Variants in ABCC1 observed in about 807,000 individuals in gnomAD.
ABCC1 encodes the protein ATP binding cassette subfamily C member 1 (ABCC1 blood group).
A neutral mutation model predicts 172.9 loss-of-function variants in ABCC1; 83 were observed. That is an observed-to-expected ratio of 0.48 (90% CI 0.40 to 0.58). ABCC1 has a LOEUF of 0.58. Ranked by LOEUF, ABCC1 falls within the 20% of genes least tolerant of loss-of-function variation. ABCC1 has a pLI of 0.00. For synonymous variants in ABCC1, 937 were observed against 825.2 expected (o/e 1.14, Z -2.32); for missense variants, 1,817 against 2,002.7 (o/e 0.91, Z 1.77).
chr16:16,068,880 G>A (rs1422585714), intron 13 of ABCC1, among the ~76,000 whole-genome samples: 3 of 151,692 alleles, frequency 2.0e-5, no homozygotes, highest in East Asian at 2.0e-4. Context: ...CCAGCTACTC[G>A]GAAGGCTGAG....
chr16:16,038,093 T>A (rs139911752), intron 7 of ABCC1, among the ~76,000 whole-genome samples: 1 of 151,580 alleles, frequency 6.6e-6, no homozygotes, highest in Admixed American at 6.6e-5. Context: ...GATAGATTGA[T>A]AGATGATAGG....
At chr16:16,099,658 G>A (rs750249542) in intron 19 of ABCC1, among the ~76,000 whole-genome samples, 1 of 152,168 alleles carries the variant, frequency 6.6e-6, no homozygotes, top group East Asian at 1.9e-4. Flanking sequence ...CACTGATGAC[G>A]GTTCAAATCC....
chr16:16,104,548 T>G (rs1275876717), intron 20 of ABCC1, among the ~76,000 whole-genome samples: 2 of 152,166 alleles, frequency 1.3e-5, no homozygotes, highest in Non-Finnish European at 2.9e-5. Context: ...TACAATCCCT[T>G]AGCTAGACAT....
intron 12 of ABCC1, among the ~76,000 whole-genome samples, chr16:16,066,130 C>G (rs2050105472): frequency 6.6e-6 from 1 of 152,124 alleles, no homozygotes; most frequent in South Asian, 2.1e-4. Context: ...CTCTGTTTAT[C>G]TACTGTGGAC....
intron 3 of ABCC1, among the ~76,000 whole-genome samples, chr16:16,010,467 C>T (rs2047735374): frequency 6.6e-6 from 1 of 152,146 alleles, no homozygotes; most frequent in African/African-American, 2.4e-5. Flanking sequence ...CCACACTTTG[C>T]TCTTGCATTG....
chr16:15,994,893 A>T (rs902731715), intron 1 of ABCC1, among the ~76,000 whole-genome samples: 5 of 151,196 alleles, frequency 3.3e-5, no homozygotes, highest in African/African-American at 1.2e-4. Flanking sequence ...CCTCCCTAGT[A>T]GCTGGGATTA....
In ABCC1 at chr16:16,045,860, C is replaced by T; in HGVS notation, c.1065C>T (p.Asp355=). ...ILKLLIKFVN[D]TKAPDWQGYF... ...GGTTGCTCATCAAGTTCGTGAATGA[C>T]ACGAAGGCCCCAGACTGGCAGGGCT... Residue 355 remains aspartate, a synonymous_variant, in exon 9 of 31, where the codon GAC becomes GAT. Transcript: ENST00000399410. 6.2e-7 allele frequency: 1 copy of T among 1,614,202 alleles called. No homozygotes were observed. The highest frequency in any genetic ancestry group is 8.5e-7 in the Non-Finnish European group (1 of 1,180,034).
Position 16,106,864 on chromosome 16 carries a change from G to T in ABCC1, c.2862G>T (p.Gln954His), listed in dbSNP as rs1223769879. 1.2e-6 allele frequency: 2 copies of T among 1,613,990 alleles called. No homozygotes were observed. The highest frequency in any genetic ancestry group is 1.3e-5 in the African/African-American group (1 of 74,940). ...AGCTGATGGAGGCTGACAAGGCGCA[G>T]ACAGGGCAGGTGAGATTCGCTCCTT... ...TWKLMEADKA[Q>H]TGQVKLSVYW... is the part of the protein sequence containing the mutation. Residue 954 changes from glutamine to histidine, a missense_variant, in exon 21 of 31, where the codon CAG (glutamine) becomes CAT (histidine). Gln to His is a conservative substitution (Grantham distance 24). Coordinates refer to ENST00000399410, the MANE Select transcript of ABCC1 (RefSeq NM_004996.4).
chr16:16,138,292 G>A, intron 29 of ABCC1, 72 bp from the exon 30 acceptor site: 1 of 1,451,284 alleles, frequency 6.9e-7, no homozygotes, highest in Non-Finnish European at 9.3e-7. Flanking sequence ...GCTTCTCCCA[G>A]CCTGGGCCTA....
intron 1 of ABCC1, among the ~76,000 whole-genome samples, chr16:15,951,402 ATTTTC>A (rs1258264131): frequency 6.6e-6 from 1 of 151,934 alleles, no homozygotes; most frequent in African/African-American, 2.4e-5. Flanking sequence ...TAAAATTTTT[ATTTTC>A]TTTTTTCTTT....
Position 16,124,802 on chromosome 16 carries a change from C to T in ABCC1, c.3604C>T (p.Arg1202Trp), listed in dbSNP as rs769212105. The T allele has an allele frequency of 1.3e-5, 21 of 1,614,076 alleles. No homozygotes were observed. The highest frequency in any genetic ancestry group is 1.5e-5 in the Non-Finnish European group (18 of 1,180,028). Residue 1202 changes from arginine to tryptophan, a missense_variant, in exon 25 of 31, where the codon CGG (arginine) becomes TGG (tryptophan). Coordinates refer to ENST00000399410, the MANE Select transcript of ABCC1 (RefSeq NM_004996.4). ...SIVANRWLAV[R>W]LECVGNCIVL... is the part of the protein sequence containing the mutation. ...GTCTTGGCGCAGGTGGCTGGCCGTG[C>T]GGCTGGAGTGTGTGGGCAACTGCAT...
At chr16:16,039,235 A>ATGTG (rs1567337955) in intron 7 of ABCC1, among the ~76,000 whole-genome samples, 1 of 102,794 alleles carries the variant, frequency 9.7e-6, no homozygotes, top group Non-Finnish European at 2.2e-5. Flanking sequence ...GTGTGTGTGT[A>ATGTG]TGTATGTGTG....
chr16:16,129,659 T>C (rs1038933661), intron 26 of ABCC1, among the ~76,000 whole-genome samples: 1 of 151,082 alleles, frequency 6.6e-6, no homozygotes, highest in African/African-American at 2.4e-5. Flanking sequence ...TGTCTCAACC[T>C]CCCAAGTAGC....
chr16:15,995,585 T>C (rs2047028307), intron 1 of ABCC1, among the ~76,000 whole-genome samples: 1 of 152,124 alleles, frequency 6.6e-6, no homozygotes, highest in Non-Finnish European at 1.5e-5. Context: ...GGAGACTTTA[T>C]TTTACTTCCA....
chr16:16,097,414 C>T (rs746305041), intron 19 of ABCC1, among the ~76,000 whole-genome samples: 21 of 152,160 alleles, frequency 1.4e-4, no homozygotes, highest in Non-Finnish European at 2.8e-4. Context: ...TGCCCGGCTG[C>T]TCTGAGGGCT....
intron 1 of ABCC1, among the ~76,000 whole-genome samples, chr16:15,953,213 G>A (rs1021256666): frequency 6.6e-6 from 1 of 152,010 alleles, no homozygotes; most frequent in African/African-American, 2.4e-5. Flanking sequence ...ATTCACGCCT[G>A]TAATTCCAGC....
intron 17 of ABCC1, 49 bp from the exon 18 acceptor site, chr16:16,086,775 A>C (rs1387074648): frequency 6.3e-7 from 1 of 1,598,248 alleles, no homozygotes; most frequent in South Asian, 1.1e-5. Flanking sequence ...ACGTATTGTG[A>C]GTCTCAAGAT....
rs543406139 is a variant in ABCC1, at chr16:16,083,308, C to T, written c.2116-58C>T. 47 of 1,557,242 alleles carry T rather than the reference C, an allele frequency of 3.0e-5. No homozygotes were observed. The African/African-American group carries it at 3.8e-4, about 13-fold the overall frequency. On this transcript the variant is annotated intron_variant, in intron 16 of 30. Transcript: ENST00000399410. ...AGCAGGCGGGTGGGCCAGCTGTTGT[C>T]TCGTTGATCAGATCTGTCTGTGTGT...
intron 1 of ABCC1, among the ~76,000 whole-genome samples, chr16:16,002,363 C>CA (rs2047344954): frequency 6.6e-6 from 1 of 152,090 alleles, no homozygotes; most frequent in Non-Finnish European, 1.5e-5. Context: ...ATCATTGCCT[C>CA]TAGAGAGAGG....
Sources: gnomAD v4.1 joint callset for allele counts (sites outside exome capture counted in the v4.1 genomes callset) on GRCh38, gnomAD v4.1.1 for gene constraint, MANE v1.5 for transcripts, NCBI Gene and HGNC (gene_info 2026-07-23, HGNC 2026-07-21) for gene names.